The following C12orf42 variants were observed in gnomAD, a reference collection of about 807,000 sequenced individuals.
The protein encoded by C12orf42 is uncharacterized protein C12orf42.
Under a neutral mutation model 21.6 loss-of-function variants are expected in C12orf42, and 25 were observed. The observed-to-expected ratio is 1.16, with a 90% CI of 0.84 to 1.62. The LOEUF is 1.62. C12orf42 is among the 40% of genes most tolerant of loss of function. The pLI, the probability that C12orf42 is intolerant of heterozygous loss-of-function variation, is 0.00. For synonymous variants in C12orf42, 174 were observed against 175.0 expected, an observed-to-expected ratio of 0.99 and a Z score of 0.05; for missense variants, 483 against 459.3, an observed-to-expected ratio of 1.05 and a Z score of -0.47.
intron 2 of C12orf42, among the ~76,000 whole-genome samples, chr12:103,446,180 A>T (rs1328678982): frequency 2.6e-5 from 4 of 152,024 alleles, no homozygotes; most frequent in Non-Finnish European, 5.9e-5. Context: ...CAGAAACCCT[A>T]CGAGCTAGAA....
chr12:103,300,632 T>TA (rs2037586071), downstream of C12orf42, among the ~76,000 whole-genome samples: 1 of 152,210 alleles, frequency 6.6e-6, no homozygotes. Context: ...TAAAATAACT[T>TA]AAAGTAATGA....
At chr12:103,310,041 T>C (rs2038813618) in intron 4 of C12orf42, among the ~76,000 whole-genome samples, 1 of 152,222 alleles carries the variant, frequency 6.6e-6, no homozygotes, top group South Asian at 2.1e-4. Context: ...ACAGTTGATA[T>C]AGTTTGTATA....
chr12:103,125,510 AT>A, the C12orf42 span, among the ~76,000 whole-genome samples: 1 of 152,192 alleles, frequency 6.6e-6, no homozygotes, highest in Non-Finnish European at 1.5e-5. Context: ...AAATCTGCGC[AT>A]TTTTTTAAAA....
At chr12:103,308,404 G>T (rs1566051194) in intron 4 of C12orf42, among the ~76,000 whole-genome samples, 2 of 152,132 alleles carry the variant, frequency 1.3e-5, no homozygotes, top group Non-Finnish European at 2.9e-5. Context: ...CAAATTTTAT[G>T]CACTCAATAT....
At chr12:103,052,127 A>T in the C12orf42 span, among the ~76,000 whole-genome samples, 1 of 152,150 alleles carries the variant, frequency 6.6e-6, no homozygotes, top group Admixed American at 6.6e-5. Context: ...CCAATTGTAA[A>T]TTATTAAAAA....
chr12:103,294,689 T>C (rs1013171469), intron 4 of C12orf42, among the ~76,000 whole-genome samples: 1 of 151,770 alleles, frequency 6.6e-6, no homozygotes, highest in African/African-American at 2.4e-5. Flanking sequence ...TGAAAAAGGA[T>C]GGAAGCAGAG....
At chr12:103,223,059 T>G in the C12orf42 span, among the ~76,000 whole-genome samples, 2 of 151,720 alleles carry the variant, frequency 1.3e-5, no homozygotes, top group African/African-American at 4.9e-5. Flanking sequence ...CTATTATACA[T>G]AGTGTATAAA....
the C12orf42 span, among the ~76,000 whole-genome samples, chr12:103,516,121 T>C: frequency 6.6e-6 from 1 of 152,214 alleles, no homozygotes; most frequent in Non-Finnish European, 1.5e-5. Context: ...GAGAAGTTAA[T>C]AACTTGATGT....
intron 2 of C12orf42, among the ~76,000 whole-genome samples, chr12:103,432,674 C>T (rs1464105067): frequency 1.3e-5 from 2 of 152,154 alleles, no homozygotes; most frequent in Non-Finnish European, 2.9e-5. Flanking sequence ...TACTTAGAGA[C>T]AAGGGTCTTT....
chr12:103,440,866 A>G (rs1277196261), intron 2 of C12orf42, among the ~76,000 whole-genome samples: 1 of 152,136 alleles, frequency 6.6e-6, no homozygotes, highest in Non-Finnish European at 1.5e-5. Flanking sequence ...TGACCATGGA[A>G]CCTTTCTTTT....
chr12:103,295,545 G>C (rs1169197494), intron 4 of C12orf42, among the ~76,000 whole-genome samples: 1 of 151,914 alleles, frequency 6.6e-6, no homozygotes, highest in Non-Finnish European at 1.5e-5. Context: ...TTGGTAAATG[G>C]GATAATACTA....
intron 4 of C12orf42, among the ~76,000 whole-genome samples, chr12:103,351,654 A>G (rs948535032): frequency 1.3e-5 from 2 of 152,034 alleles, no homozygotes; most frequent in African/African-American, 2.4e-5. Context: ...TCAGACCAAG[A>G]AGAAGTCGGG....
At chr12:103,191,543 C>CAAAAAAAAAA in the C12orf42 span, among the ~76,000 whole-genome samples, 18 of 58,112 alleles carry the variant, frequency 3.1e-4, no homozygotes, top group East Asian at 5.6e-4. Flanking sequence ...CTCCACTCTA[C>CAAAAAAAAAA]AAAAAAAAAA....
the C12orf42 span, among the ~76,000 whole-genome samples, chr12:103,049,537 T>C: frequency 6.6e-6 from 1 of 152,218 alleles, no homozygotes; most frequent in African/African-American, 2.4e-5. Context: ...AATCAGCGTG[T>C]TCCTGTTTAA....
the C12orf42 span, among the ~76,000 whole-genome samples, chr12:103,119,423 C>T: frequency 6.6e-6 from 1 of 152,094 alleles, no homozygotes; most frequent in Admixed American, 6.6e-5. Context: ...TGAGTTGGAG[C>T]ACATCCACTA....
At chr12:103,103,110 A>G in the C12orf42 span, among the ~76,000 whole-genome samples, 2 of 151,938 alleles carry the variant, frequency 1.3e-5, no homozygotes, top group Non-Finnish European at 2.9e-5. Context: ...CACAAGAGTG[A>G]CTCTCTCACC....
the C12orf42 span, among the ~76,000 whole-genome samples, chr12:103,134,626 T>C: frequency 6.6e-6 from 1 of 151,886 alleles, no homozygotes; most frequent in Non-Finnish European, 1.5e-5. Flanking sequence ...TGAGACACCA[T>C]AAAGTGATCA....
At chr12:103,440,887 T>G (rs1343018599) in intron 2 of C12orf42, among the ~76,000 whole-genome samples, 1 of 152,216 alleles carries the variant, frequency 6.6e-6, no homozygotes, top group Non-Finnish European at 1.5e-5. Flanking sequence ...ACACTTAGCA[T>G]CTATTAAGTT....
At chr12:103,423,613 T>C (rs1358510026) in intron 2 of C12orf42, among the ~76,000 whole-genome samples, 1 of 152,236 alleles carries the variant, frequency 6.6e-6, no homozygotes, top group Admixed American at 6.5e-5. Context: ...TGTGCTTCCA[T>C]TGCATGTTCA....
Sources: allele counts gnomAD v4.1 joint callset (sites outside exome capture counted in the v4.1 genomes callset), GRCh38; gene constraint gnomAD v4.1.1; transcripts MANE v1.5; gene names NCBI Gene and HGNC (gene_info 2026-07-23, HGNC 2026-07-21).